TMEM30A: variants seen among roughly 807,000 people sequenced by gnomAD.
TMEM30A encodes the protein cell division cycle 50 P4-ATPase accessory subunit A.
In TMEM30A, 24 loss-of-function variants were observed where a neutral mutation model predicts 38.2. The ratio of observed to expected loss-of-function variants is 0.63; its 90% CI spans 0.46 to 0.88. The LOEUF is 0.88. Ranked by LOEUF, TMEM30A falls within the 40% of genes least tolerant of loss-of-function variation. TMEM30A has a pLI of 0.00. For synonymous variants in TMEM30A, 145 were observed against 161.6 expected (o/e 0.90, Z 0.78); for missense variants, 370 against 458.6 (o/e 0.81, Z 1.77).
At chr6:75,272,154 A>C (rs1354902833) in intron 1 of TMEM30A, among the ~76,000 whole-genome samples, 4 of 152,262 alleles carry the variant, frequency 2.6e-5, no homozygotes, top group African/African-American at 9.6e-5. Flanking sequence ...AATGTATACT[A>C]AGTGCTGGGC....
intron 2 of TMEM30A, 49 bp downstream of exon 2, chr6:75,267,592 G>T: frequency 1.5e-6 from 2 of 1,355,970 alleles, no homozygotes; most frequent in Non-Finnish European, 2.1e-6. Flanking sequence ...TACAGTATCA[G>T]TATTTTTTAA....
At chr6:75,269,006 A>C (rs567379679) in intron 1 of TMEM30A, among the ~76,000 whole-genome samples, 13 of 152,298 alleles carry the variant, frequency 8.5e-5, no homozygotes, top group African/African-American at 3.1e-4. Context: ...AAATAGACTA[A>C]TTTTTATAGT....
At chr6:75,283,643 G>T (rs1488352775) in intron 1 of TMEM30A, among the ~76,000 whole-genome samples, 1 of 150,736 alleles carries the variant, frequency 6.6e-6, no homozygotes, top group Non-Finnish European at 1.5e-5. Flanking sequence ...GTGGTCACTG[G>T]CTCTTTTTGT....
intron 1 of TMEM30A, among the ~76,000 whole-genome samples, chr6:75,272,168 G>GT (rs1353604051): frequency 2.0e-5 from 3 of 152,232 alleles, no homozygotes; most frequent in Non-Finnish European, 4.4e-5. Context: ...GCTGGGCATT[G>GT]TAAGTACTTA....
At chr6:75,284,343 G>A in intron 1 of TMEM30A, 59 bp downstream of exon 1, 2 of 1,518,702 alleles carry the variant, frequency 1.3e-6, no homozygotes, top group Admixed American at 1.7e-5. Flanking sequence ...AAGTGGAGTG[G>A]GCGCGTAGGA....
chr6:75,263,848 G>T (rs1772015466), intron 3 of TMEM30A, among the ~76,000 whole-genome samples: 1 of 152,110 alleles, frequency 6.6e-6, no homozygotes, highest in Admixed American at 6.5e-5. Context: ...TTACAGTTTG[G>T]AAGAAAAGAA....
At chr6:75,258,031 G>A (rs973309699) in intron 6 of TMEM30A, among the ~76,000 whole-genome samples, 10 of 152,170 alleles carry the variant, frequency 6.6e-5, no homozygotes, top group Admixed American at 2.6e-4. Flanking sequence ...GTAACTGAGT[G>A]AACTAGCTAA....
At chr6:75,269,570 A>C (rs1415611436) in intron 1 of TMEM30A, among the ~76,000 whole-genome samples, 2 of 152,242 alleles carry the variant, frequency 1.3e-5, no homozygotes, top group Admixed American at 6.5e-5. Context: ...GTTGCTTCCA[A>C]GTTATTGAAA....
chr6:75,264,705 G>A (rs1330091196), intron 3 of TMEM30A, among the ~76,000 whole-genome samples: 1 of 151,692 alleles, frequency 6.6e-6, no homozygotes, highest in East Asian at 1.9e-4. Context: ...GAAAACTGAA[G>A]AACAGTAAAG....
At chr6:75,281,945 T>C (rs74515051) in intron 1 of TMEM30A, among the ~76,000 whole-genome samples, 1,974 of 152,282 alleles carry the variant, frequency 0.013, 40 homozygotes, top group East Asian at 0.1. Context: ...ACATTTAGCA[T>C]CCAAACTTTA....
chr6:75,256,618 T>C (rs1330330466), intron 6 of TMEM30A: 2 of 358,294 alleles, frequency 5.6e-6, no homozygotes, highest in African/African-American at 2.2e-5. Flanking sequence ...GTGAAAAAAA[T>C]ACTTCAAGTG....
Position 75,284,580 on chromosome 6 carries a change from C to A in TMEM30A, c.59G>T (p.Gly20Val), listed in dbSNP as rs149782863. 2 of 1,613,682 alleles carry A rather than the reference C, an allele frequency of 1.2e-6. No homozygotes were observed. Among genetic ancestry groups the A allele is most frequent in the South Asian group, 1.1e-5 (1 of 91,040 alleles). Reference sequence around the variant, plus strand: ...CGGTCTCCGAGTCTTCGCGGTGCCCCCCGGAGCACACGGGGGCCCACCGTC... The same window carrying A: ...CGGTCTCCGAGTCTTCGCGGTGCCCACCGGAGCACACGGGGGCCCACCGTC... Reference protein sequence around the residue: ...EVDGGPPCAPGGTAKTRRPDN... With the variant: ...EVDGGPPCAPVGTAKTRRPDN... Residue 20 changes from glycine (G) to valine (V), a missense_variant, in exon 1 of 7, where the codon GGG (glycine) becomes GTG (valine). Coordinates refer to ENST00000230461, the MANE Select transcript of TMEM30A (RefSeq NM_018247.4).
chr6:75,280,089 TTGTC>T (rs1772332952), intron 1 of TMEM30A, among the ~76,000 whole-genome samples: 1 of 151,932 alleles, frequency 6.6e-6, no homozygotes, highest in Non-Finnish European at 1.5e-5. Context: ...GGCTGCCTGA[TTGTC>T]TGTGACAAAG....
In TMEM30A at chr6:75,254,239, GAA is replaced by G. The variant is rs1474425554; in HGVS notation, c.*1861_*1862del. On this transcript the variant is annotated 3_prime_UTR_variant, in exon 7 of 7. Coordinates refer to ENST00000230461, the MANE Select transcript of TMEM30A (RefSeq NM_018247.4). ...AGCGACATCCTCTGTGCCCCAGTTAGAAAAAGAGTTGCAGGATGGTAGTCCTC... is the reference window on the plus strand; with the variant it reads ...AGCGACATCCTCTGTGCCCCAGTTAGAAAGAGTTGCAGGATGGTAGTCCTC... The G allele has an allele frequency of 6.6e-6, 1 of 152,062 alleles. No individual in the cohort carries two copies. Among genetic ancestry groups the G allele is most frequent in the Non-Finnish European group, 1.5e-5 (1 of 67,984 alleles). The allele number at this position is 152,062 out of a possible 1,614,324, so 9.4% of individuals were successfully genotyped here.
intron 1 of TMEM30A, among the ~76,000 whole-genome samples, chr6:75,276,051 G>T (rs1772254485): frequency 6.6e-6 from 1 of 152,204 alleles, no homozygotes; most frequent in Non-Finnish European, 1.5e-5. Flanking sequence ...AGTCAATCAT[G>T]TGTACATAAT....
At chr6:75,269,877 T>C (rs1772137118) in intron 1 of TMEM30A, among the ~76,000 whole-genome samples, 1 of 152,152 alleles carries the variant, frequency 6.6e-6, no homozygotes, top group South Asian at 2.1e-4. Context: ...GTATTTTTAG[T>C]AGAGGCGGGG....
intron 5 of TMEM30A, among the ~76,000 whole-genome samples, 171 bp downstream of exon 5, chr6:75,259,176 T>C (rs531249534): frequency 5.3e-5 from 8 of 152,314 alleles, no homozygotes; most frequent in African/African-American, 1.9e-4. Flanking sequence ...AAAGTATACA[T>C]TTCCTTTAGA....
rs1260948776 is a variant in TMEM30A, at chr6:75,255,798, G to C, written c.*304C>G. The C allele has an allele frequency of 1.3e-5, 3 of 231,016 alleles. No individual in the cohort carries two copies. The highest frequency in any genetic ancestry group is 2.5e-5 in the Non-Finnish European group (3 of 118,426). 14.3% of individuals were successfully genotyped at this position (231,016 alleles called of 1,614,324 possible). A position where few individuals can be genotyped will look rare whatever the true frequency, so the allele number is the denominator to read the frequency against. On this transcript the variant is annotated 3_prime_UTR_variant, in exon 7 of 7. Transcript: ENST00000230461. ...ACACAGCATAAAGATTTAAGCAGTA[G>C]ACACAAGTCACATGAAAGAGGCTCT...
intron 2 of TMEM30A, among the ~76,000 whole-genome samples, chr6:75,266,668 C>T (rs1013155257): frequency 2.6e-5 from 4 of 152,158 alleles, no homozygotes; most frequent in Non-Finnish European, 1.5e-5. Context: ...TTCTATATCA[C>T]TACTAGTCTC....
Sources: allele counts gnomAD v4.1 joint callset (sites outside exome capture counted in the v4.1 genomes callset), GRCh38; gene constraint gnomAD v4.1.1; transcripts MANE v1.5; gene names NCBI Gene and HGNC (gene_info 2026-07-23, HGNC 2026-07-21).